Variants in RTL4 observed in about 807,000 individuals in gnomAD.
RTL4 encodes retrotransposon Gag like 4, also known as retrotransposon Gag-like protein 4.
Under a neutral mutation model 5.3 loss-of-function variants are expected in RTL4, and 4 were observed. The observed-to-expected ratio is 0.75, with a 90% CI of 0.37 to 1.72. The LOEUF (loss-of-function observed/expected upper bound fraction) is 1.72. Ranked by LOEUF, RTL4 falls within the 40% of genes most tolerant of loss-of-function variation. The pLI is 0.04. For synonymous variants in RTL4, 98 were observed against 87.3 expected, an observed-to-expected ratio of 1.12 and a Z score of -0.68; for missense variants, 260 against 227.1, an observed-to-expected ratio of 1.14 and a Z score of -0.93.
chrX:112,407,766 TTG>T, the RTL4 span, among the ~76,000 whole-genome samples: 1 of 112,840 alleles, frequency 8.9e-6, no homozygotes, highest in Non-Finnish European at 1.9e-5. Context: ...ACAGTGGTGC[TTG>T]TGTTACTCTA....
At chrX:112,302,697 C>A in the RTL4 span, among the ~76,000 whole-genome samples, 2 of 112,024 alleles carry the variant, frequency 1.8e-5, no homozygotes, top group Non-Finnish European at 3.8e-5. Flanking sequence ...ATTCATTGAA[C>A]AAATATTTTT....
At chrX:112,167,635 T>C in the RTL4 span, among the ~76,000 whole-genome samples, 1 of 110,757 alleles carries the variant, frequency 9.0e-6, no homozygotes, top group African/African-American at 3.3e-5. Context: ...ACTGATACTA[T>C]CTCTATTTTA....
the RTL4 span, among the ~76,000 whole-genome samples, chrX:112,334,668 TAATA>T: frequency 2.7e-5 from 3 of 112,257 alleles, no homozygotes; most frequent in Non-Finnish European, 5.6e-5. Context: ...TTAGAATGTT[TAATA>T]AATAAACATT....
At chrX:112,268,744 A>T in the RTL4 span, among the ~76,000 whole-genome samples, 1 of 112,135 alleles carries the variant, frequency 8.9e-6, no homozygotes, top group African/African-American at 3.2e-5. Flanking sequence ...TAGCCACACA[A>T]AAATTCTAAA....
chrX:112,217,535 T>A, the RTL4 span, among the ~76,000 whole-genome samples: 2 of 111,818 alleles, frequency 1.8e-5, no homozygotes, highest in Admixed American at 1.9e-4. Flanking sequence ...AATTCATTGA[T>A]CTCCTTGGAT....
At chrX:112,221,872 T>C in the RTL4 span, among the ~76,000 whole-genome samples, 126 of 112,938 alleles carry the variant, frequency 1.1e-3, 1 homozygote, top group Non-Finnish European at 1.8e-3. Flanking sequence ...TTGGATGGTC[T>C]TGTTACCTGT....
At chrX:112,114,138 C>A in the RTL4 span, among the ~76,000 whole-genome samples, 2,638 of 111,409 alleles carry the variant, frequency 0.024, 34 homozygotes, top group Non-Finnish European at 0.035. Flanking sequence ...TCGAGGAAGG[C>A]AGAAGGATTT....
At chrX:112,157,025 T>G in the RTL4 span, among the ~76,000 whole-genome samples, 1 of 109,248 alleles carries the variant, frequency 9.2e-6, no homozygotes, top group Non-Finnish European at 1.9e-5. Context: ...TAAAATTTGT[T>G]AGATGCGAGT....
chrX:112,117,198 T>C, the RTL4 span, among the ~76,000 whole-genome samples: 1 of 109,951 alleles, frequency 9.1e-6, no homozygotes, highest in Non-Finnish European at 1.9e-5. Context: ...ATTTACCACA[T>C]AATCGTTATA....
chrX:112,123,990 G>GA, the RTL4 span, among the ~76,000 whole-genome samples: 48 of 104,287 alleles, frequency 4.6e-4, no homozygotes, highest in South Asian at 8.6e-3. Context: ...AAATTTACAA[G>GA]AAAAAAAAAA....
the RTL4 span, among the ~76,000 whole-genome samples, chrX:112,088,618 A>G: frequency 1.8e-5 from 2 of 112,014 alleles, no homozygotes; most frequent in Non-Finnish European, 3.8e-5. Flanking sequence ...ATATTTAACT[A>G]TTTGAGGAAC....
chrX:112,143,108 C>T, the RTL4 span, among the ~76,000 whole-genome samples: 4 of 111,385 alleles, frequency 3.6e-5, no homozygotes, highest in Non-Finnish European at 5.6e-5. Flanking sequence ...GGATTACAGA[C>T]GTGAGCCACC....
the RTL4 span, among the ~76,000 whole-genome samples, chrX:112,374,199 A>G: frequency 9.0e-6 from 1 of 111,037 alleles, no homozygotes; most frequent in Admixed American, 9.6e-5. Context: ...TTTTGTGTCT[A>G]TATTGTGATA....
At chrX:112,278,523 A>G in the RTL4 span, among the ~76,000 whole-genome samples, 1 of 111,880 alleles carries the variant, frequency 8.9e-6, no homozygotes. Flanking sequence ...GACATTTTTG[A>G]GTAAAAGGAG....
chrX:112,439,061 C>T, the RTL4 span, among the ~76,000 whole-genome samples: 1 of 111,802 alleles, frequency 8.9e-6, no homozygotes, highest in African/African-American at 3.2e-5. Flanking sequence ...TAGCTTTCTC[C>T]AGTTCCTCAT....
At chrX:112,456,973 T>C (rs1262608642) in exon 1 of RTL4, 1 of 123,316 alleles carries the variant, frequency 8.1e-6, no homozygotes, top group African/African-American at 3.2e-5. Flanking sequence ...CTCCCTAAAA[T>C]GTTAAAACTG....
At chrX:112,204,990 T>TA in the RTL4 span, among the ~76,000 whole-genome samples, 1 of 111,995 alleles carries the variant, frequency 8.9e-6, no homozygotes, top group Non-Finnish European at 1.9e-5. Flanking sequence ...GGTTTGTATG[T>TA]AAAAAATGTG....
chrX:112,424,619 A>G, the RTL4 span, among the ~76,000 whole-genome samples: 1 of 111,431 alleles, frequency 9.0e-6, no homozygotes, highest in Admixed American at 9.6e-5. Flanking sequence ...AAGCAGGTTA[A>G]AAGCACTAAT....
At chrX:112,250,152 G>A in the RTL4 span, among the ~76,000 whole-genome samples, 630 of 110,084 alleles carry the variant, frequency 5.7e-3, 1 homozygote, top group East Asian at 0.011. Context: ...GGTGGCTGGC[G>A]CCTGTAGTCC....
Sources: allele counts gnomAD v4.1 joint callset (sites outside exome capture counted in the v4.1 genomes callset), GRCh38; gene constraint gnomAD v4.1.1; transcripts MANE v1.5; gene names NCBI Gene and HGNC (gene_info 2026-07-23, HGNC 2026-07-21).